The following UGT8 variants were observed in gnomAD, a reference collection of about 807,000 sequenced individuals.
UGT8 encodes UDP glycosyltransferase 8.
In UGT8, 12 loss-of-function variants were observed where a neutral mutation model predicts 40.5. The observed-to-expected ratio is 0.30, with a 90% CI of 0.19 to 0.48. UGT8 has a LOEUF of 0.48. Among genes scored for constraint, UGT8 ranks in the 20% least tolerant of loss-of-function variants. The pLI is 0.99. For synonymous variants in UGT8, 224 were observed against 240.4 expected (o/e 0.93, Z 0.63); for missense variants, 513 against 648.7 (o/e 0.79, Z 2.27).
At chr4:114,637,947 A>G (rs1391905289) in intron 2 of UGT8, among the ~76,000 whole-genome samples, 3 of 152,218 alleles carry the variant, frequency 2.0e-5, no homozygotes, top group Non-Finnish European at 4.4e-5. Flanking sequence ...CTTCAGAATT[A>G]CAGGCTAAAA....
At chr4:114,668,481 T>C (rs1049247347) in intron 5 of UGT8, among the ~76,000 whole-genome samples, 177 bp downstream of exon 5, 1 of 152,220 alleles carries the variant, frequency 6.6e-6, no homozygotes, top group Non-Finnish European at 1.5e-5. Flanking sequence ...ACAGCAGTCA[T>C]TTGACCAGCC....
At chr4:114,613,923 C>T (rs1731235958) in intron 1 of UGT8, among the ~76,000 whole-genome samples, 1 of 152,190 alleles carries the variant, frequency 6.6e-6, no homozygotes, top group South Asian at 2.1e-4. Context: ...TAAATTTAAT[C>T]ACCATCATCA....
chr4:114,634,924 C>T (rs1372521048), intron 2 of UGT8, among the ~76,000 whole-genome samples: 8 of 151,932 alleles, frequency 5.3e-5, no homozygotes, highest in Admixed American at 3.9e-4. Context: ...ATTTCTAGTG[C>T]AGTTGGCAGA....
intron 2 of UGT8, among the ~76,000 whole-genome samples, chr4:114,662,086 T>C (rs1329571287): frequency 6.6e-6 from 1 of 152,232 alleles, no homozygotes; most frequent in Admixed American, 6.5e-5. Context: ...AAAATTGATA[T>C]AGTCTCTATT....
At chr4:114,651,417 A>G (rs1283314006) in intron 2 of UGT8, among the ~76,000 whole-genome samples, 2 of 152,124 alleles carry the variant, frequency 1.3e-5, no homozygotes, top group Admixed American at 1.3e-4. Context: ...CTCTTTTATA[A>G]ATGTAGAAGT....
At chr4:114,601,416 A>G (rs898835350) in intron 1 of UGT8, among the ~76,000 whole-genome samples, 3 of 152,188 alleles carry the variant, frequency 2.0e-5, no homozygotes, top group African/African-American at 7.2e-5. Flanking sequence ...AATTCATACT[A>G]GGATTTTCCA....
At chr4:114,630,696 A>G (rs1192778237) in intron 2 of UGT8, among the ~76,000 whole-genome samples, 1 of 151,858 alleles carries the variant, frequency 6.6e-6, no homozygotes, top group African/African-American at 2.4e-5. Flanking sequence ...GACGATGACA[A>G]TTGTGTGAGA....
At chr4:114,657,355 A>G (rs933920971) in intron 2 of UGT8, among the ~76,000 whole-genome samples, 1 of 152,148 alleles carries the variant, frequency 6.6e-6, no homozygotes, top group Admixed American at 6.6e-5. Flanking sequence ...ATACTGCAGA[A>G]TCTCAGTGGA....
chr4:114,648,380 T>G (rs1578444399), intron 2 of UGT8, among the ~76,000 whole-genome samples: 1 of 151,502 alleles, frequency 6.6e-6, no homozygotes, highest in African/African-American at 2.4e-5. Context: ...GGTTTTTTTT[T>G]TTTTTTTTTT....
intron 2 of UGT8, among the ~76,000 whole-genome samples, chr4:114,641,220 T>G (rs1278901151): frequency 6.6e-6 from 1 of 152,240 alleles, no homozygotes. Flanking sequence ...CTACTATTGG[T>G]GGCATTACTA....
At chr4:114,608,088 A>C (rs2126086254) in intron 1 of UGT8, among the ~76,000 whole-genome samples, 1 of 152,236 alleles carries the variant, frequency 6.6e-6, no homozygotes, top group African/African-American at 2.4e-5. Flanking sequence ...CATATTGCTC[A>C]ATAGGATTCT....
chr4:114,644,683 C>A (rs1231331388), intron 2 of UGT8, among the ~76,000 whole-genome samples: 8 of 152,070 alleles, frequency 5.3e-5, no homozygotes, highest in African/African-American at 1.9e-4. Flanking sequence ...GCCTTTCAAG[C>A]CTTTTGCTGC....
At chr4:114,609,822 G>A (rs919714984) in intron 1 of UGT8, among the ~76,000 whole-genome samples, 1 of 152,146 alleles carries the variant, frequency 6.6e-6, no homozygotes. Context: ...CATCCAAAGG[G>A]AGACTGAAGG....
chr4:114,650,521 T>A (rs1223674768), intron 2 of UGT8, among the ~76,000 whole-genome samples: 2 of 152,194 alleles, frequency 1.3e-5, no homozygotes, highest in Admixed American at 1.3e-4. Flanking sequence ...AACTAACAAA[T>A]ATATTAAAGT....
chr4:114,611,958 A>G (rs1196047335), intron 1 of UGT8, among the ~76,000 whole-genome samples: 1 of 151,978 alleles, frequency 6.6e-6, no homozygotes, highest in East Asian at 1.9e-4. Context: ...TTTGAACAAG[A>G]CCTCCAGGTG....
chr4:114,656,722 G>A (rs1313557690), intron 2 of UGT8: 1 of 490,258 alleles, frequency 2.0e-6, no homozygotes, highest in African/African-American at 2.0e-5. Flanking sequence ...ACTGTGACCT[G>A]AGGGGGAAGT....
chr4:114,635,768 C>A (rs1286793588), intron 2 of UGT8, among the ~76,000 whole-genome samples: 1 of 151,972 alleles, frequency 6.6e-6, no homozygotes, highest in East Asian at 1.9e-4. Context: ...GCTTGTTTAC[C>A]AGATCTTTAC....
intron 1 of UGT8, among the ~76,000 whole-genome samples, chr4:114,610,070 A>T (rs1730952615): frequency 6.6e-6 from 1 of 152,198 alleles, no homozygotes; most frequent in African/African-American, 2.4e-5. Flanking sequence ...ATTTTGATTC[A>T]TGTATCACAG....
intron 2 of UGT8, among the ~76,000 whole-genome samples, chr4:114,643,274 T>G (rs568331366): frequency 4.6e-4 from 70 of 152,242 alleles, no homozygotes; most frequent in African/African-American, 1.6e-3. Context: ...AAGTTTAAAT[T>G]TTAATAGTTA....
Sources: allele counts gnomAD v4.1 joint callset (sites outside exome capture counted in the v4.1 genomes callset), GRCh38; gene constraint gnomAD v4.1.1; transcripts MANE v1.5; gene names NCBI Gene and HGNC (gene_info 2026-07-23, HGNC 2026-07-21).